Variants in ACBD6 observed in about 807,000 individuals in gnomAD.
The protein encoded by ACBD6 is acyl-CoA-binding domain-containing protein 6.
ACBD6 carries 28 observed loss-of-function variants against 37.2 expected under a neutral mutation model. That is an observed-to-expected ratio of 0.75 (90% confidence interval 0.56 to 1.03). The LOEUF (loss-of-function observed/expected upper bound fraction) is 1.03. Among genes scored for constraint, ACBD6 ranks in the 50% least tolerant of loss-of-function variants. The pLI is 0.00. For synonymous variants in ACBD6, 113 were observed against 126.8 expected (o/e 0.89, Z 0.73); for missense variants, 340 against 337.4 (o/e 1.01, Z -0.06).
chr1:180,430,312 A>C (rs753662160), intron 3 of ACBD6, 50 bp from the exon 4 acceptor site: 3 of 1,395,906 alleles, frequency 2.1e-6, no homozygotes, highest in Non-Finnish European at 3.0e-6. Context: ...GGTTAAAACA[A>C]TAGGTATTTA....
rs1650333337 is a variant in ACBD6 at position 180,465,985 on chromosome 1, C to G, written c.384+26284G>C. On this transcript the variant is annotated intron_variant, in intron 3 of 7. Transcript: ENST00000367595. Reference sequence around the variant, plus strand: ...CTTATGAACACAAGGAAGGAAGCAACAGACACTGGAGTCTACTTGAGGGGG... The same window carrying G: ...CTTATGAACACAAGGAAGGAAGCAAGAGACACTGGAGTCTACTTGAGGGGG... 2.0e-5 allele frequency among the ~76,000 whole-genome samples: 3 copies of G among 151,614 alleles called. No homozygotes were observed. In the South Asian group the frequency reaches 6.3e-4, roughly 32 times the overall value.
chr1:180,309,718 T>C (rs1334664933), intron 7 of ACBD6, among the ~76,000 whole-genome samples: 1 of 152,106 alleles, frequency 6.6e-6, no homozygotes, highest in African/African-American at 2.4e-5. Flanking sequence ...GAAAAATGAG[T>C]AGCCTTGAAT....
intron 6 of ACBD6, among the ~76,000 whole-genome samples, chr1:180,350,221 A>G (rs931700368): frequency 6.6e-6 from 1 of 152,022 alleles, no homozygotes; most frequent in Non-Finnish European, 1.5e-5. Flanking sequence ...AATAGAAAAG[A>G]TAAGGTCTCA....
intron 5 of ACBD6, among the ~76,000 whole-genome samples, chr1:180,410,302 T>C (rs1280909344): frequency 5.3e-5 from 8 of 152,206 alleles, no homozygotes; most frequent in Non-Finnish European, 4.4e-5. Context: ...CTAGTTAAAG[T>C]AACCGATAAA....
At chr1:180,447,654 T>C (rs1649525467) in intron 3 of ACBD6, among the ~76,000 whole-genome samples, 1 of 152,162 alleles carries the variant, frequency 6.6e-6, no homozygotes, top group African/African-American at 2.4e-5. Flanking sequence ...ATAACACTGA[T>C]CAAAATTTAG....
chr1:180,295,760 A>T (rs1373422542), intron 7 of ACBD6, among the ~76,000 whole-genome samples: 1 of 152,106 alleles, frequency 6.6e-6, no homozygotes, highest in Non-Finnish European at 1.5e-5. Context: ...AATTTCATCA[A>T]TCAATGTTTT....
chr1:180,276,942 G>A (rs981830793), intron 9 of ACBD6: 1 of 152,164 alleles, frequency 6.6e-6, no homozygotes, highest in Non-Finnish European at 1.5e-5. Context: ...AGTGGAAGGA[G>A]AGGCCTTCCT....
chr1:180,500,221 A>G (rs1004163924), intron 1 of ACBD6, among the ~76,000 whole-genome samples: 2 of 152,108 alleles, frequency 1.3e-5, no homozygotes, highest in Non-Finnish European at 2.9e-5. Context: ...AACTATGTCA[A>G]GAGGCAAAAA....
chr1:180,269,914 G>C (rs1648535690), exon 14 of ACBD6: 1 of 152,272 alleles, frequency 6.6e-6, no homozygotes, highest in Non-Finnish European at 1.5e-5. Flanking sequence ...TTCAGGGAGG[G>C]AGTTGGGCCA....
intron 6 of ACBD6, among the ~76,000 whole-genome samples, chr1:180,355,961 G>A (rs948646415): frequency 1.3e-5 from 2 of 148,354 alleles, no homozygotes; most frequent in Non-Finnish European, 3.0e-5. Flanking sequence ...TCTGCCTCCC[G>A]GGTTCAAGCA....
At chr1:180,495,832 ATAGAT>A (rs1365256822) in intron 1 of ACBD6, among the ~76,000 whole-genome samples, 2 of 152,230 alleles carry the variant, frequency 1.3e-5, no homozygotes, top group Non-Finnish European at 2.9e-5. Flanking sequence ...AGTTATCAAT[ATAGAT>A]TAAATACTCT....
intron 3 of ACBD6, among the ~76,000 whole-genome samples, chr1:180,438,725 A>T (rs1237279639): frequency 6.6e-6 from 1 of 152,176 alleles, no homozygotes; most frequent in East Asian, 1.9e-4. Flanking sequence ...TGAGTGGCAC[A>T]TTTGTTACAG....
At chr1:180,495,322 A>G in intron 2 of ACBD6, 139 bp downstream of exon 2, 1 of 580,316 alleles carries the variant, frequency 1.7e-6, no homozygotes, top group East Asian at 2.9e-5. Context: ...ATCTCTCCCA[A>G]TTGCCTGTCA....
chr1:180,369,999 C>T (rs954233367), intron 6 of ACBD6, among the ~76,000 whole-genome samples: 1 of 152,032 alleles, frequency 6.6e-6, no homozygotes, highest in African/African-American at 2.4e-5. Flanking sequence ...TTGGATGCAT[C>T]ATTTCTTTGA....
At chr1:180,285,139 A>G (rs1649443557), downstream of ACBD6, among the ~76,000 whole-genome samples, 4 of 152,182 alleles carry the variant, frequency 2.6e-5, no homozygotes, top group South Asian at 8.3e-4. Flanking sequence ...CCTGACTCAA[A>G]AAGACGAAAA....
At chr1:180,467,448 C>CAAAAAAAAAAA (rs57941230) in intron 3 of ACBD6, among the ~76,000 whole-genome samples, 53 of 72,538 alleles carry the variant, frequency 7.3e-4, no homozygotes, top group Non-Finnish European at 1.0e-3. Flanking sequence ...TCCATCTCTG[C>CAAAAAAAAAAA]AAAAAAAAAA....
chr1:180,299,496 G>A (rs1290166160), intron 7 of ACBD6, among the ~76,000 whole-genome samples: 1 of 152,116 alleles, frequency 6.6e-6, no homozygotes, highest in Non-Finnish European at 1.5e-5. Context: ...AGGTGAAGAT[G>A]AATTTCCATT....
At chr1:180,306,344 G>C (rs1650372055) in intron 7 of ACBD6, among the ~76,000 whole-genome samples, 1 of 151,986 alleles carries the variant, frequency 6.6e-6, no homozygotes. Context: ...TGTTGTTCAA[G>C]GGTCAACTGT....
chr1:180,471,203 C>A (rs965138082), intron 3 of ACBD6, among the ~76,000 whole-genome samples: 1 of 151,932 alleles, frequency 6.6e-6, no homozygotes, highest in Non-Finnish European at 1.5e-5. Context: ...AGTTCAAGAC[C>A]AACCTGGACA....
Sources: gnomAD v4.1 joint callset for allele counts (sites outside exome capture counted in the v4.1 genomes callset) on GRCh38, gnomAD v4.1.1 for gene constraint, MANE v1.5 for transcripts, NCBI Gene and HGNC (gene_info 2026-07-23, HGNC 2026-07-21) for gene names.